Variants in MCTP2 observed in about 807,000 individuals in gnomAD.
MCTP2 encodes the protein multiple C2 and transmembrane domain containing 2.
A neutral mutation model predicts 111.6 loss-of-function variants in MCTP2; 132 were observed. The ratio of observed to expected loss-of-function variants is 1.18; its 90% CI spans 1.03 to 1.37. MCTP2 has a LOEUF of 1.37. Ranked by LOEUF, MCTP2 falls within the 40% of genes most tolerant of loss-of-function variation. MCTP2 has a pLI of 0.00. For missense variants in MCTP2, 1,183 were observed against 1,067.9 expected (o/e 1.11, Z -1.50); for synonymous variants, 395 against 387.7 (o/e 1.02, Z -0.22).
At chr15:94,370,494 T>C (rs530003756) in intron 12 of MCTP2, among the ~76,000 whole-genome samples, 5 of 152,366 alleles carry the variant, frequency 3.3e-5, no homozygotes, top group Admixed American at 6.5e-5. Flanking sequence ...AGCTTTTCTA[T>C]GTAACCTCAA....
chr15:94,463,424 A>C (rs1035897598), intron 20 of MCTP2, among the ~76,000 whole-genome samples: 1 of 152,170 alleles, frequency 6.6e-6, no homozygotes, highest in African/African-American at 2.4e-5. Flanking sequence ...TATAGACATG[A>C]AATTAATTTT....
At chr15:94,282,855 G>C (rs1165815680) in intron 1 of MCTP2, among the ~76,000 whole-genome samples, 1 of 152,178 alleles carries the variant, frequency 6.6e-6, no homozygotes, top group Non-Finnish European at 1.5e-5. Context: ...ATCATTGGGG[G>C]CTGGAAACAG....
At chr15:94,360,598 A>AG (rs1470889620) in intron 10 of MCTP2, among the ~76,000 whole-genome samples, 5 of 152,212 alleles carry the variant, frequency 3.3e-5, no homozygotes, top group Non-Finnish European at 7.3e-5. Context: ...TTGTTTTAGT[A>AG]GGTGCAAAGA....
intron 12 of MCTP2, among the ~76,000 whole-genome samples, chr15:94,371,712 G>A (rs2079497400): frequency 6.6e-6 from 1 of 151,976 alleles, no homozygotes; most frequent in Non-Finnish European, 1.5e-5. Flanking sequence ...AACCCGCGAT[G>A]GAGTCCTGCT....
intron 11 of MCTP2, 108 bp from the exon 12 acceptor site, chr15:94,369,979 C>A (rs1477963610): frequency 2.0e-5 from 12 of 594,982 alleles, no homozygotes; most frequent in Admixed American, 1.9e-4. Flanking sequence ...TTAAAGATTT[C>A]ATGAGAAAAA....
intron 1 of MCTP2, among the ~76,000 whole-genome samples, chr15:94,244,038 T>TTTA (rs1271089239): frequency 3.4e-5 from 5 of 146,464 alleles, no homozygotes; most frequent in African/African-American, 7.5e-5. Context: ...TGTGTATATA[T>TTTA]TGCACACATA....
chr15:94,271,855 A>T (rs1036170899), intron 1 of MCTP2, among the ~76,000 whole-genome samples: 3 of 152,200 alleles, frequency 2.0e-5, no homozygotes, highest in African/African-American at 7.2e-5. Context: ...GTTGTTCTAA[A>T]TTAGTGTTTC....
In MCTP2 at chr15:94,367,700, C is replaced by G; in HGVS notation, c.1397C>G (p.Thr466Arg). ...SCLGALLMLV[T>R]LTPCAGVSVS... is the part of the protein sequence containing the mutation. ...CTGGGGGCTCTCCTTATGTTGGTCA[C>G]ACTTACACCCTGTGCGGGGGTCTCC... Residue 466 changes from threonine (T) to arginine (R), a missense_variant, in exon 11 of 23, where the codon ACA becomes AGA. By Grantham distance (71) the Thr-to-Arg change is moderately conservative (BLOSUM62 -1). Coordinates refer to ENST00000357742, the MANE Select transcript of MCTP2 (RefSeq NM_001385001.1). 2 of 1,610,832 alleles carry G rather than the reference C, an allele frequency of 1.2e-6. No homozygotes were observed. Among genetic ancestry groups the G allele is most frequent in the African/African-American group, 1.3e-5 (1 of 74,702 alleles).
At chr15:94,286,194 G>A (rs1047778617) in intron 1 of MCTP2, among the ~76,000 whole-genome samples, 1 of 152,036 alleles carries the variant, frequency 6.6e-6, no homozygotes, top group Non-Finnish European at 1.5e-5. Context: ...TGTTTTTGCC[G>A]CAAGCATAAT....
chr15:94,329,214 G>A (rs1327528397), intron 4 of MCTP2, among the ~76,000 whole-genome samples: 10 of 152,092 alleles, frequency 6.6e-5, no homozygotes, highest in Admixed American at 5.2e-4. Flanking sequence ...CTGTAGTTCT[G>A]AAGCCTTTAG....
At chr15:94,326,151 A>C (rs931251708) in intron 4 of MCTP2, among the ~76,000 whole-genome samples, 4 of 152,048 alleles carry the variant, frequency 2.6e-5, no homozygotes, top group African/African-American at 9.7e-5. Flanking sequence ...TTTTCTTTCT[A>C]AAATGAAAGA....
intron 12 of MCTP2, among the ~76,000 whole-genome samples, chr15:94,381,862 G>A (rs188628426): frequency 3.1e-4 from 47 of 152,310 alleles, no homozygotes; most frequent in Non-Finnish European, 5.9e-4. Flanking sequence ...CATGGCCAGC[G>A]TAAACTGTCT....
rs1212235187 is a variant in MCTP2, at chr15:94,370,088, G to A, written c.1490G>A (p.Cys497Tyr). ...SERKQITQRY[C>Y]LQNSLKDVKD... is the part of the protein sequence containing the mutation. ...TTGTATCACCTTTTCAACCCTCAGT[G>A]CTTACAGAACTCCCTGAAAGATGTG... The change falls in exon 12 of 23, where the codon TGC (cysteine) becomes TAC (tyrosine). Residue 497 changes from cysteine to tyrosine, a missense_variant and splice_region_variant. By Grantham distance (194) the Cys-to-Tyr change is radical (BLOSUM62 -2). Coordinates refer to ENST00000357742, the MANE Select transcript of MCTP2 (RefSeq NM_001385001.1). 1 of 1,609,006 alleles carries A rather than the reference G, an allele frequency of 6.2e-7. No individual in the cohort carries two copies. The highest frequency in any genetic ancestry group is 1.1e-5 in the South Asian group (1 of 90,312).
intron 8 of MCTP2, among the ~76,000 whole-genome samples, chr15:94,351,613 G>A (rs970594337): frequency 1.3e-5 from 2 of 152,154 alleles, no homozygotes; most frequent in African/African-American, 4.8e-5. Flanking sequence ...ACACTGATAT[G>A]TTTATCCTTC....
At chr15:94,370,559 A>G (rs1288166952) in intron 12 of MCTP2, among the ~76,000 whole-genome samples, 2 of 152,308 alleles carry the variant, frequency 1.3e-5, no homozygotes, top group Middle Eastern at 3.4e-3. Flanking sequence ...AATGGTTCAC[A>G]TGGTTCATAA....
At chr15:94,319,980 T>TG (rs1442953626) in intron 4 of MCTP2, among the ~76,000 whole-genome samples, 2 of 152,344 alleles carry the variant, frequency 1.3e-5, no homozygotes, top group Non-Finnish European at 2.9e-5. Flanking sequence ...ATTTGTCCTA[T>TG]GCAGTCTTTT....
intron 21 of MCTP2, 69 bp from the exon 22 acceptor site, chr15:94,476,627 G>A: frequency 1.3e-6 from 1 of 795,918 alleles, no homozygotes; most frequent in Non-Finnish European, 2.2e-6. Context: ...TAGATAGATA[G>A]ATAGATAGAT....
chr15:94,282,027 CATCTTG>C (rs1478464239), intron 1 of MCTP2, among the ~76,000 whole-genome samples: 1 of 152,088 alleles, frequency 6.6e-6, no homozygotes, highest in Admixed American at 6.6e-5. Context: ...TGGTGAAAGT[CATCTTG>C]TATAGTATCT....
chr15:94,347,383 A>G (rs899992187), intron 8 of MCTP2, among the ~76,000 whole-genome samples: 4 of 152,212 alleles, frequency 2.6e-5, no homozygotes, highest in Non-Finnish European at 4.4e-5. Context: ...GTCCTAAGGA[A>G]TGTATTACCT....
Sources: allele counts gnomAD v4.1 joint callset (sites outside exome capture counted in the v4.1 genomes callset), GRCh38; gene constraint gnomAD v4.1.1; transcripts MANE v1.5; gene names NCBI Gene and HGNC (gene_info 2026-07-23, HGNC 2026-07-21).